Variants in CFAP47 observed in about 807,000 individuals in gnomAD.
CFAP47 encodes cilia and flagella associated protein 47.
CFAP47 carries 29 observed loss-of-function variants against 148.1 expected under a neutral mutation model. The observed-to-expected ratio is 0.20, with a 90% CI of 0.15 to 0.27. CFAP47 has a LOEUF of 0.27. CFAP47 is among the 10% of genes least tolerant of loss of function. The pLI is 1.00. For missense variants in CFAP47, 1,872 were observed against 1,697.5 expected (o/e 1.10, Z -1.81); for synonymous variants, 664 against 577.3 (o/e 1.15, Z -2.15).
chrX:36,240,697 A>G (rs1940532540), intron 48 of CFAP47, among the ~76,000 whole-genome samples: 1 of 111,573 alleles, frequency 9.0e-6, no homozygotes, highest in Non-Finnish European at 1.9e-5. Context: ...ATAATGGAAA[A>G]GAAATAGTTT....
chrX:36,192,364 G>A (rs1160711776), intron 42 of CFAP47, among the ~76,000 whole-genome samples: 3 of 111,154 alleles, frequency 2.7e-5, no homozygotes, highest in Non-Finnish European at 3.8e-5. Flanking sequence ...CTGGTGAATT[G>A]TACCTTTTAG....
intron 60 of CFAP47, among the ~76,000 whole-genome samples, chrX:36,359,598 C>G (rs1556018922): frequency 9.0e-6 from 1 of 111,180 alleles, no homozygotes; most frequent in Admixed American, 9.6e-5. Flanking sequence ...TTTACTTTGC[C>G]AGTGAGATTT....
At chrX:35,926,308 G>A (rs1601879313) in intron 2 of CFAP47, 140 bp downstream of exon 2, 2 of 399,680 alleles carry the variant, frequency 5.0e-6, no homozygotes, top group East Asian at 4.3e-5. Context: ...AAATAGTAGT[G>A]TTTGTAAGAA....
At chrX:36,120,418 T>G (rs1282980538) in intron 33 of CFAP47, among the ~76,000 whole-genome samples, 1 of 111,727 alleles carries the variant, frequency 9.0e-6, no homozygotes, top group African/African-American at 3.2e-5. Context: ...TTTAGGCTTG[T>G]TTTGCTCTTG....
intron 33 of CFAP47, among the ~76,000 whole-genome samples, chrX:36,115,008 A>T (rs1367078890): frequency 9.0e-6 from 1 of 111,376 alleles, no homozygotes; most frequent in Non-Finnish European, 1.9e-5. Context: ...CTGCATTTAA[A>T]TTTTATAGTA....
intron 51 of CFAP47, among the ~76,000 whole-genome samples, chrX:36,288,876 A>C (rs1941161878): frequency 9.0e-6 from 1 of 111,660 alleles, no homozygotes; most frequent in Non-Finnish European, 1.9e-5. Context: ...CTAGTAAACA[A>C]AATAAAAATT....
At chrX:36,341,764 T>A (rs1232219798) in intron 57 of CFAP47, among the ~76,000 whole-genome samples, 1 of 111,190 alleles carries the variant, frequency 9.0e-6, no homozygotes, top group East Asian at 2.8e-4. Context: ...ATGTCATTAT[T>A]TTTAGTATTC....
At position 36,367,095 on chromosome X, in the gene CFAP47, T is replaced by C; in HGVS notation, c.9153T>C (p.Ser3051=). The C allele has an allele frequency of 1.7e-6, 2 of 1,159,752 alleles. No individual in the cohort carries two copies. The highest frequency in any genetic ancestry group is 1.9e-5 in the South Asian group (1 of 51,473). Residue 3051 remains serine (S), a synonymous_variant, in exon 62 of 64, where the codon TCT becomes TCC. Transcript: ENST00000378653. ...DIEGVGLFKE[S]VFELRLKSQT... is the part of the protein sequence containing the mutation. ...AAGGAGTTGGTTTATTTAAGGAATC[T>C]GTTTTTGAACTTAGGCTGAAAAGTC...
chrX:36,083,189 A>G (rs767429441), intron 29 of CFAP47, among the ~76,000 whole-genome samples: 25 of 110,430 alleles, frequency 2.3e-4, no homozygotes, highest in African/African-American at 3.3e-5. Flanking sequence ...TGATTCAGGA[A>G]CATTTGACTT....
At chrX:36,270,753 A>T (rs1191958537) in intron 49 of CFAP47, among the ~76,000 whole-genome samples, 1 of 106,856 alleles carries the variant, frequency 9.4e-6, no homozygotes, top group Non-Finnish European at 1.9e-5. Flanking sequence ...ATACTTATAT[A>T]CATATTCTGG....
intron 39 of CFAP47, among the ~76,000 whole-genome samples, chrX:36,177,637 G>T (rs1479229805): frequency 1.8e-5 from 2 of 111,904 alleles, no homozygotes; most frequent in Admixed American, 9.5e-5. Context: ...AATTTTGTCT[G>T]TTTAAAAATT....
chrX:36,123,901 C>G (rs970438837), intron 33 of CFAP47, among the ~76,000 whole-genome samples: 3 of 111,527 alleles, frequency 2.7e-5, no homozygotes, highest in Non-Finnish European at 5.7e-5. Flanking sequence ...TGAGTCTCAC[C>G]TGAATCCAGC....
At chrX:36,089,513 C>A (rs1431631074) in intron 30 of CFAP47, among the ~76,000 whole-genome samples, 1 of 111,734 alleles carries the variant, frequency 8.9e-6, no homozygotes, top group African/African-American at 3.3e-5. Context: ...AAGAAGTAAT[C>A]CTGGAAGGGT....
intron 29 of CFAP47, among the ~76,000 whole-genome samples, chrX:36,080,415 T>C (rs974533927): frequency 3.6e-5 from 4 of 111,548 alleles, no homozygotes; most frequent in Admixed American, 9.5e-5. Flanking sequence ...TTTGACCCAG[T>C]GATCCCATTA....
At chrX:36,082,502 C>T (rs1159870262) in intron 29 of CFAP47, among the ~76,000 whole-genome samples, 2 of 111,459 alleles carry the variant, frequency 1.8e-5, no homozygotes, top group South Asian at 3.7e-4. Context: ...CTATAAACAC[C>T]GCTGAGAAGA....
chrX:36,372,535 G>A (rs1340312809), intron 62 of CFAP47, among the ~76,000 whole-genome samples: 1 of 111,368 alleles, frequency 9.0e-6, no homozygotes, highest in Non-Finnish European at 1.9e-5. Flanking sequence ...AACCTAGATG[G>A]TATAGCATAC....
chrX:35,979,038 C>CG (rs1187953479), intron 15 of CFAP47, among the ~76,000 whole-genome samples: 1 of 111,359 alleles, frequency 9.0e-6, no homozygotes, highest in East Asian at 2.8e-4. Flanking sequence ...AGTGCAATGG[C>CG]GTCATCTCAG....
In CFAP47 at chrX:36,219,147, T is replaced by C. The variant is rs1940188570; in HGVS notation, c.6818-9481T>C. Among the ~76,000 whole-genome samples, 9 of 111,931 alleles carry C rather than the reference T, an allele frequency of 8.0e-5. No homozygotes were observed. In the Admixed American group the frequency reaches 8.5e-4, roughly 11 times the overall value. ...TGAAGATTCTCTACAGATACAAAATTACTCCCACAAAAGACAGAAGATTTG... is the reference window on the plus strand; with the variant it reads ...TGAAGATTCTCTACAGATACAAAATCACTCCCACAAAAGACAGAAGATTTG... On this transcript the variant is annotated intron_variant, in intron 45 of 63. Transcript: ENST00000378653.
intron 42 of CFAP47, among the ~76,000 whole-genome samples, chrX:36,193,341 T>C (rs1287977655): frequency 6.2e-5 from 7 of 112,250 alleles, no homozygotes; most frequent in African/African-American, 2.3e-4. Context: ...TGTGATTTTA[T>C]ATTTAAGCAG....
Sources: gnomAD v4.1 joint callset for allele counts (sites outside exome capture counted in the v4.1 genomes callset) on GRCh38, gnomAD v4.1.1 for gene constraint, MANE v1.5 for transcripts, NCBI Gene and HGNC (gene_info 2026-07-23, HGNC 2026-07-21) for gene names.